THEMIS2: variants seen among roughly 807,000 people sequenced by gnomAD.
THEMIS2 encodes the protein protein THEMIS2.
In THEMIS2, 29 loss-of-function variants were observed where a neutral mutation model predicts 46.8. The ratio of observed to expected loss-of-function variants is 0.62; its 90% CI spans 0.46 to 0.84. The LOEUF (loss-of-function observed/expected upper bound fraction) is 0.84, where lower values mean the gene tolerates loss of function less well. Among genes scored for constraint, THEMIS2 ranks in the 40% least tolerant of loss-of-function variants. The probability of loss-of-function intolerance (pLI) is 0.00; values close to 1 mark genes in which losing one functional copy is unlikely to be tolerated. For missense variants in THEMIS2, 698 were observed against 834.7 expected, an observed-to-expected ratio of 0.84 and a Z score of 2.02; for synonymous variants, 335 against 349.1, an observed-to-expected ratio of 0.96 and a Z score of 0.45.
At chr1:27,873,151 G>T (rs1178581714) in intron 1 of THEMIS2, among the ~76,000 whole-genome samples, 1 of 152,082 alleles carries the variant, frequency 6.6e-6, no homozygotes. Context: ...TACTTGATTT[G>T]ATCAGCTCTT....
At chr1:27,877,528 C>T (rs376584434) in intron 2 of THEMIS2, among the ~76,000 whole-genome samples, 13 of 152,010 alleles carry the variant, frequency 8.6e-5, no homozygotes, top group South Asian at 2.1e-4. Flanking sequence ...AAAGTTTCAC[C>T]GTGTTAACCA....
At position 27,882,618 on chromosome 1, in the gene THEMIS2, G is replaced by T; in HGVS notation, c.1294G>T (p.Glu432Ter). 6.2e-7 allele frequency: 1 copy of T among 1,614,186 alleles called. No homozygotes were observed. The highest frequency in any genetic ancestry group is 8.5e-7 in the Non-Finnish European group (1 of 1,180,036). ...CTTCCACTTCCCTGGCAGTTTCGTG[G>T]AGGAGATGAGTGACAGCCGGCGCTA... is the stretch of plus-strand genomic sequence containing the variant. ...LPFHFPGSFV[E>*]EMSDSRRYSL... Residue 432 changes from glutamate (E) to a stop codon, truncating the protein, a stop_gained, in exon 4 of 6, where the codon GAG becomes TAG. Transcript: ENST00000373921. LOFTEE classifies it high-confidence loss of function. This position sits in a 1 kb window ranked among gnomAD's most constrained non-coding sequence, Gnocchi z 7.6.
In THEMIS2 at chr1:27,880,277, C is replaced by T. The variant is rs540677731; in HGVS notation, c.646+223C>T. On this transcript the variant is annotated intron_variant, in intron 3 of 5. Coordinates refer to ENST00000373921, the MANE Select transcript of THEMIS2 (RefSeq NM_001105556.3). ...AATGGTGTGATCTTGGCTCACCCTCCAGAGTCAAGCGATTCTCCTGCCTCA... is the reference window on the plus strand; with the variant it reads ...AATGGTGTGATCTTGGCTCACCCTCTAGAGTCAAGCGATTCTCCTGCCTCA... Among the ~76,000 whole-genome samples, 8 of 152,288 alleles carry T rather than the reference C, an allele frequency of 5.3e-5. No individual in the cohort carries two copies. The East Asian group carries it at 1.6e-3, about 30-fold the overall frequency.
rs1015985965 is a variant in THEMIS2 at position 27,879,588 on chromosome 1, C to T, written c.236-56C>T. ...GACTGGGGTCTGGACCTGACAAAGG[C>T]CTGCCCCACCCTGACACCCCACAGT... On this transcript the variant is annotated intron_variant, in intron 2 of 5. Coordinates refer to ENST00000373921, the MANE Select transcript of THEMIS2 (RefSeq NM_001105556.3). 5.4e-6 allele frequency: 8 copies of T among 1,482,456 alleles called. No homozygotes were observed. The African/African-American group carries it at 1.1e-4, about 21-fold the overall frequency. The allele number at this position is 1,482,456 out of a possible 1,614,324, so 91.8% of individuals were successfully genotyped here.
chr1:27,875,924 G>A (rs561271935), intron 1 of THEMIS2, among the ~76,000 whole-genome samples: 1 of 151,746 alleles, frequency 6.6e-6, no homozygotes, highest in Admixed American at 6.6e-5. Context: ...GGATGGTCTC[G>A]ATCTCCTGAT....
chr1:27,885,535 T>A (rs1456806268), intron 5 of THEMIS2, 84 bp downstream of exon 5: 1 of 1,510,332 alleles, frequency 6.6e-7, no homozygotes, highest in African/African-American at 1.4e-5. Context: ...GGTGGCCCTG[T>A]CCAGGGACAG....
intron 2 of THEMIS2, among the ~76,000 whole-genome samples, chr1:27,879,342 G>A (rs2089638218): frequency 6.6e-6 from 1 of 152,118 alleles, no homozygotes; most frequent in Admixed American, 6.5e-5. Context: ...CTTGGAGAGT[G>A]TGGAAGTCTA....
chr1:27,881,932 G>T lies in THEMIS2; in HGVS notation c.647-39G>T. The T allele has an allele frequency of 2.0e-6, 3 of 1,529,856 alleles. No individual in the cohort carries two copies. The South Asian group carries it at 3.6e-5, about 18-fold the overall frequency. 94.8% of individuals were successfully genotyped at this position (1,529,856 alleles called of 1,614,324 possible). On this transcript the variant is annotated intron_variant, in intron 3 of 5. Transcript: ENST00000373921. ...ATGCCTGGGGTGGGGGCCACTCCTG[G>T]GGTGGCATGCAGTGCCACTGAGCTG...
At chr1:27,879,262 G>A (rs1433448384) in intron 2 of THEMIS2, among the ~76,000 whole-genome samples, 1 of 152,074 alleles carries the variant, frequency 6.6e-6, no homozygotes, top group African/African-American at 2.4e-5. Context: ...TGGATGAGTG[G>A]GATCGGACCT....
At chr1:27,885,787 A>G in intron 5 of THEMIS2, 80 bp from the exon 6 acceptor site, 33 of 1,410,212 alleles carry the variant, frequency 2.3e-5, no homozygotes, top group Non-Finnish European at 3.3e-5. Context: ...CTTTCCCTGC[A>G]CAGATGAGGA....
chr1:27,872,855 G>A lies in THEMIS2; in HGVS notation c.94+190G>A, dbSNP rs2089511812. On this transcript the variant is annotated intron_variant, in intron 1 of 5. Transcript: ENST00000373921. The surrounding 1 kb of genome is among the most constrained non-coding windows in gnomAD (Gnocchi z 4.9). ...TCGGCTTTTGCTTTCGTGGAACGGG[G>A]ACCGCTGACCTGCCCCGCAGGGTAG... Among the ~76,000 whole-genome samples the A allele has an allele frequency of 6.6e-6, 1 of 152,232 alleles. No individual in the cohort carries two copies. Among genetic ancestry groups the A allele is most frequent in the Non-Finnish European group, 1.5e-5 (1 of 68,038 alleles).
intron 2 of THEMIS2, among the ~76,000 whole-genome samples, chr1:27,877,770 A>C (rs1312797223): frequency 6.6e-6 from 1 of 152,180 alleles, no homozygotes; most frequent in Non-Finnish European, 1.5e-5. Context: ...CCTGGGCCTC[A>C]GTTTCCTCTT....
At position 27,878,221 on chromosome 1, in the gene THEMIS2, G is replaced by A. The variant is rs535592800; in HGVS notation, c.236-1423G>A. Reference sequence around the variant, plus strand: ...GTGACTGCCTGCCAGATGCGGGAAAGTGTGGCTTCCAGGTTAGGGGCAAGT... The same window carrying A: ...GTGACTGCCTGCCAGATGCGGGAAAATGTGGCTTCCAGGTTAGGGGCAAGT... On this transcript the variant is annotated intron_variant, in intron 2 of 5. Coordinates refer to ENST00000373921, the MANE Select transcript of THEMIS2 (RefSeq NM_001105556.3). Among the ~76,000 whole-genome samples the A allele has an allele frequency of 3.3e-5, 5 of 151,592 alleles. No homozygotes were observed. The South Asian group carries it at 1.0e-3, about 32-fold the overall frequency.
Position 27,885,463 on chromosome 1 carries a change from T to C in THEMIS2, c.1876+12T>C, listed in dbSNP as rs779786821. 1 of 1,611,994 alleles carries C rather than the reference T, an allele frequency of 6.2e-7. No individual in the cohort carries two copies. Among genetic ancestry groups the C allele is most frequent in the South Asian group, 1.1e-5 (1 of 90,938 alleles). ...AAGGCAGGATCTAGGTGAGTCCCTG[T>C]GGGCGCTGCTCACCCTTGTCCTTGT... On this transcript the variant is annotated intron_variant, in intron 5 of 5. Transcript: ENST00000373921.
chr1:27,880,632 T>A (rs569334651), intron 3 of THEMIS2, among the ~76,000 whole-genome samples: 4 of 152,164 alleles, frequency 2.6e-5, no homozygotes, highest in Admixed American at 6.5e-5. Flanking sequence ...TCTACAAAAA[T>A]TTTTTTAAAA....
rs901397082 is a variant in THEMIS2, at chr1:27,882,121, T to C, written c.797T>C (p.Leu266Pro). 1.2e-6 allele frequency: 2 copies of C among 1,614,220 alleles called. No homozygotes were observed. The highest frequency in any genetic ancestry group is 8.5e-7 in the Non-Finnish European group (1 of 1,180,028). ...CCTTTCCCCCTGTCCATGGAGATCC[T>C]GGAGGTTCCTGAGGGCCGCCCCATC... ...EGPFPLSMEILEVPEGRPIFL... is the reference protein window; with the variant it reads ...EGPFPLSMEIPEVPEGRPIFL... Residue 266 changes from leucine to proline, a missense_variant, in exon 4 of 6, where the codon CTG (leucine) becomes CCG (proline). Physicochemically the swap from Leu to Pro is moderately conservative, Grantham distance 98. Coordinates refer to ENST00000373921, the MANE Select transcript of THEMIS2 (RefSeq NM_001105556.3). This position sits in a 1 kb window ranked among gnomAD's most constrained non-coding sequence, Gnocchi z 7.6.
At chr1:27,883,172 C>T in intron 4 of THEMIS2, 129 bp downstream of exon 4, 3 of 777,966 alleles carry the variant, frequency 3.9e-6, no homozygotes, top group East Asian at 2.7e-5. Flanking sequence ...ACACTTTGCA[C>T]CCATTATTCT....
rs771617869 is a variant in THEMIS2 at position 27,882,304 on chromosome 1, G to A, written c.980G>A (p.Arg327Gln). The change falls in exon 4 of 6, where the codon CGG becomes CAG. Residue 327 changes from arginine to glutamine, a missense_variant. By Grantham distance (43) the Arg-to-Gln change is conservative (BLOSUM62 1). Coordinates refer to ENST00000373921, the MANE Select transcript of THEMIS2 (RefSeq NM_001105556.3). The surrounding 1 kb of genome is among the most constrained non-coding windows in gnomAD (Gnocchi z 7.6). Reference protein sequence around the residue: ...SGGYQGKLRRRPREFPTAYDL... With the variant: ...SGGYQGKLRRQPREFPTAYDL... ...GGCTACCAAGGCAAGCTGCGGCGGC[G>A]GCCAAGGGAGTTCCCCACGGCCTAT... 28 of 1,599,046 alleles carry A rather than the reference G, an allele frequency of 1.8e-5. No individual in the cohort carries two copies. The highest frequency in any genetic ancestry group is 2.2e-5 in the Non-Finnish European group (26 of 1,171,778).
chr1:27,875,063 C>G (rs1023345069), intron 1 of THEMIS2, among the ~76,000 whole-genome samples: 2 of 151,988 alleles, frequency 1.3e-5, no homozygotes, highest in African/African-American at 4.8e-5. Flanking sequence ...ACTGCAACCT[C>G]CACCTCCTGG....
Sources: allele counts gnomAD v4.1 joint callset (sites outside exome capture counted in the v4.1 genomes callset), GRCh38; gene constraint gnomAD v4.1.1; non-coding constraint Gnocchi (gnomAD v3.1); transcripts MANE v1.5; gene names NCBI Gene and HGNC (gene_info 2026-07-23, HGNC 2026-07-21).